The following ZNF618 variants were observed in gnomAD, a reference collection of about 807,000 sequenced individuals.
ZNF618 encodes zinc finger protein 618.
ZNF618 carries 34 observed loss-of-function variants against 103.0 expected under a neutral mutation model. The ratio of observed to expected loss-of-function variants is 0.33; its 90% CI spans 0.25 to 0.44. ZNF618 has a LOEUF of 0.44. Among genes scored for constraint, ZNF618 ranks in the 20% least tolerant of loss-of-function variants. ZNF618 has a pLI of 1.00. For synonymous variants in ZNF618, 551 were observed against 542.2 expected (o/e 1.02, Z -0.23); for missense variants, 1,059 against 1,295.4 (o/e 0.82, Z 2.80).
At chr9:113,926,052 C>A (rs1833058301) in intron 1 of ZNF618, among the ~76,000 whole-genome samples, 1 of 152,092 alleles carries the variant, frequency 6.6e-6, no homozygotes, top group Non-Finnish European at 1.5e-5. Context: ...TCCTGCAAGG[C>A]AGATCTTCTG....
At chr9:114,024,810 C>T (rs929467946) in intron 10 of ZNF618, among the ~76,000 whole-genome samples, 2 of 151,720 alleles carry the variant, frequency 1.3e-5, no homozygotes, top group African/African-American at 4.8e-5. Context: ...TGGTATTCAG[C>T]CAGATTTCAA....
chr9:113,879,064 G>A (rs1275776453), intron 1 of ZNF618, among the ~76,000 whole-genome samples: 1 of 150,760 alleles, frequency 6.6e-6, no homozygotes, highest in East Asian at 1.9e-4. Context: ...TATTTAGGCC[G>A]ATGAGTAGGA....
At chr9:113,986,152 G>A (rs1247486471) in intron 2 of ZNF618, among the ~76,000 whole-genome samples, 2 of 152,156 alleles carry the variant, frequency 1.3e-5, no homozygotes, top group African/African-American at 2.4e-5. Flanking sequence ...CAGGCCAGGC[G>A]CTGTGCTGAG....
chr9:113,926,675 G>A (rs1487422682), intron 1 of ZNF618, among the ~76,000 whole-genome samples: 5 of 151,924 alleles, frequency 3.3e-5, no homozygotes, highest in South Asian at 4.2e-4. Context: ...CTTGCATGTT[G>A]TCCACCTTTT....
chr9:113,938,757 A>G (rs1280477785), intron 1 of ZNF618, among the ~76,000 whole-genome samples: 1 of 151,682 alleles, frequency 6.6e-6, no homozygotes, highest in African/African-American at 2.4e-5. Context: ...TTTAGTAGAG[A>G]CGGGGTTTCA....
chr9:113,877,718 A>G (rs1471525004), intron 1 of ZNF618, among the ~76,000 whole-genome samples: 1 of 151,860 alleles, frequency 6.6e-6, no homozygotes, highest in Non-Finnish European at 1.5e-5. Context: ...GTTTCCTGAA[A>G]GGTCTAGGCA....
At chr9:113,974,340 G>A (rs1838286821) in intron 2 of ZNF618, among the ~76,000 whole-genome samples, 1 of 152,234 alleles carries the variant, frequency 6.6e-6, no homozygotes, top group South Asian at 2.1e-4. Flanking sequence ...CAAAGGCCCT[G>A]GAGCTGGAGT....
intron 9 of ZNF618, among the ~76,000 whole-genome samples, chr9:114,011,976 G>C (rs573608759): frequency 4.0e-5 from 6 of 151,698 alleles, no homozygotes; most frequent in Non-Finnish European, 7.4e-5. Context: ...TCATGTATGG[G>C]TTACTTGATT....
chr9:113,987,249 T>A (rs1000122069), intron 2 of ZNF618, among the ~76,000 whole-genome samples: 2 of 152,140 alleles, frequency 1.3e-5, no homozygotes, highest in Non-Finnish European at 2.9e-5. Flanking sequence ...CATGGACAGC[T>A]GTGTTGAAAG....
chr9:114,007,506 C>T (rs1841857122), intron 7 of ZNF618, 67 bp downstream of exon 7: 2 of 1,481,078 alleles, frequency 1.4e-6, no homozygotes, highest in South Asian at 2.4e-5. Context: ...CACCAGCCCC[C>T]AGCCCTCCCC....
chr9:114,036,574 C>T (rs974429763), intron 13 of ZNF618, among the ~76,000 whole-genome samples, 197 bp downstream of exon 13: 12 of 152,106 alleles, frequency 7.9e-5, no homozygotes, highest in Non-Finnish European at 1.5e-4. Flanking sequence ...CAGGTGGGGG[C>T]GGTGGGGAGG....
At chr9:113,913,149 C>T (rs1467926803) in intron 1 of ZNF618, among the ~76,000 whole-genome samples, 3 of 152,158 alleles carry the variant, frequency 2.0e-5, no homozygotes, top group East Asian at 1.9e-4. Flanking sequence ...CTTTCTCTAA[C>T]GCCTGTGCTG....
At chr9:113,964,450 A>G (rs535221247) in intron 1 of ZNF618, among the ~76,000 whole-genome samples, 22 of 152,246 alleles carry the variant, frequency 1.4e-4, no homozygotes, top group Admixed American at 5.9e-4. Context: ...GATCTAAGAG[A>G]AGCAATTACA....
intron 1 of ZNF618, among the ~76,000 whole-genome samples, chr9:113,938,564 C>CTTTTTTT (rs751883694): frequency 2.6e-5 from 2 of 77,690 alleles, no homozygotes; most frequent in Admixed American, 1.4e-4. Flanking sequence ...ATTATATTTT[C>CTTTTTTT]TTTTTTTCTT....
intron 1 of ZNF618, among the ~76,000 whole-genome samples, chr9:113,942,140 G>A (rs181663456): frequency 2.2e-4 from 34 of 152,268 alleles, no homozygotes; most frequent in African/African-American, 8.2e-4. Flanking sequence ...AGGAAGAAGT[G>A]GGCTTTTGAG....
chr9:114,027,106 G>C (rs7866707), intron 10 of ZNF618, among the ~76,000 whole-genome samples: 150,399 of 152,214 alleles, frequency 0.99, 74,328 homozygotes, highest in East Asian at 1. Flanking sequence ...CATTCTGTGG[G>C]TTAAAAAAAA....
chr9:113,893,651 TC>T (rs1210390071), intron 1 of ZNF618, among the ~76,000 whole-genome samples: 5 of 152,170 alleles, frequency 3.3e-5, no homozygotes, highest in Non-Finnish European at 5.9e-5. Context: ...TACATAATAT[TC>T]ACAGATGAGA....
In ZNF618 at chr9:114,050,179, G is replaced by C. The variant is rs376650729; in HGVS notation, c.*12G>C. On this transcript the variant is annotated 3_prime_UTR_variant, in exon 15 of 15. Coordinates refer to ENST00000374126, the MANE Select transcript of ZNF618 (RefSeq NM_001318042.2). The stretch of plus-strand genomic sequence containing the variant: ...CCAACATGCTTTAAGACTTGACTTC[G>C]GGGGAAAAAAAAAGAAAAAGAGAAG... The C allele has an allele frequency of 2.6e-6, 4 of 1,523,374 alleles. No homozygotes were observed. In the African/African-American group the frequency reaches 4.2e-5, roughly 16 times the overall value. The allele number at this position is 1,523,374 out of a possible 1,614,324, so 94.4% of individuals were successfully genotyped here.
At chr9:113,897,655 T>C (rs148624745) in intron 1 of ZNF618, among the ~76,000 whole-genome samples, 1 of 152,368 alleles carries the variant, frequency 6.6e-6, no homozygotes, top group East Asian at 1.9e-4. Flanking sequence ...TCTTTACTTT[T>C]GGTTATTTTA....
Sources: gnomAD v4.1 joint callset for allele counts (sites outside exome capture counted in the v4.1 genomes callset) on GRCh38, gnomAD v4.1.1 for gene constraint, MANE v1.5 for transcripts, NCBI Gene and HGNC (gene_info 2026-07-23, HGNC 2026-07-21) for gene names.